LRRFIP2: variants seen among roughly 807,000 people sequenced by gnomAD.
LRRFIP2 encodes the protein LRR binding FLII interacting protein 2.
In LRRFIP2, 109 loss-of-function variants were observed where a neutral mutation model predicts 125.9. The ratio of observed to expected loss-of-function variants is 0.87; its 90% CI spans 0.74 to 1.01. The LOEUF is 1.01. LRRFIP2 is among the 50% of genes least tolerant of loss of function. LRRFIP2 has a pLI of 0.00. For missense variants in LRRFIP2, 850 were observed against 862.3 expected (o/e 0.99, Z 0.18); for synonymous variants, 291 against 293.1 (o/e 0.99, Z 0.07).
intron 18 of LRRFIP2, among the ~76,000 whole-genome samples, chr3:37,088,697 A>G (rs1274590942): frequency 6.6e-6 from 1 of 152,058 alleles, no homozygotes; most frequent in Non-Finnish European, 1.5e-5. Context: ...CTATAGTCCC[A>G]GCAGGCTTAG....
At chr3:37,118,142 G>C (rs2094877365) in intron 6 of LRRFIP2, among the ~76,000 whole-genome samples, 2 of 152,112 alleles carry the variant, frequency 1.3e-5, no homozygotes, top group African/African-American at 4.8e-5. Context: ...GCTCACTGCA[G>C]CCTCGACTTC....
In LRRFIP2 at chr3:37,066,921, A is replaced by C. The variant is rs940547159; in HGVS notation, c.1465-596T>G. ...AGGATTCAAAGATCAACTTCTGACA[A>C]CTTAATTAAATATAACTGAGACTCA... On this transcript the variant is annotated intron_variant, in intron 21 of 27. Coordinates refer to ENST00000336686, the MANE Select transcript of LRRFIP2 (RefSeq NM_006309.4). 3 of 152,640 alleles carry C rather than the reference A, an allele frequency of 2.0e-5. No homozygotes were observed. In the East Asian group the frequency reaches 5.8e-4, roughly 29 times the overall value. The allele number at this position is 152,640 out of a possible 1,614,324, so 9.5% of individuals were successfully genotyped here. A position where few individuals can be genotyped will look rare whatever the true frequency, so the allele number is the denominator to read the frequency against.
In LRRFIP2 at chr3:37,123,072, C is replaced by T. The variant is rs77245958; in HGVS notation, c.229-1381G>A. Among the ~76,000 whole-genome samples, 1,174 of 152,256 alleles carry T rather than the reference C, an allele frequency of 7.7e-3. 9 individuals are homozygous for T. Among genetic ancestry groups the T allele is most frequent in the Non-Finnish European group, 0.013 (897 of 68,006 alleles). On this transcript the variant is annotated intron_variant, in intron 4 of 27. Coordinates refer to ENST00000336686, the MANE Select transcript of LRRFIP2 (RefSeq NM_006309.4). ...GGTTGACATCTGCTGTGACTGATGC[C>T]CTTGACCAAATGTATGCTGAAGTCT...
chr3:37,119,776 C>CA (rs1199694325), intron 6 of LRRFIP2, among the ~76,000 whole-genome samples: 3 of 152,158 alleles, frequency 2.0e-5, no homozygotes, highest in African/African-American at 7.2e-5. Context: ...TCTCATGCCT[C>CA]AGCCTCCCAA....
rs1482813659 is a variant in LRRFIP2 at position 37,060,096 on chromosome 3, CAAGGGTCTGTA to C, written c.1750-1197_1750-1187del. 2.0e-5 allele frequency among the ~76,000 whole-genome samples: 3 copies of C among 152,140 alleles called. No individual in the cohort carries two copies. Among genetic ancestry groups the C allele is most frequent in the Non-Finnish European group, 2.9e-5 (2 of 68,012 alleles). On this transcript the variant is annotated intron_variant, in intron 24 of 27. Coordinates refer to ENST00000336686, the MANE Select transcript of LRRFIP2 (RefSeq NM_006309.4). This position sits in a 1 kb window ranked among gnomAD's most constrained non-coding sequence, Gnocchi z 4.1. ...TATCCTTCCTCTGCAGTCTTCCTCA[CAAGGGTCTGTA>C]CGACCACTAACCTTCATCTCCTAAC...
intron 15 of LRRFIP2, among the ~76,000 whole-genome samples, chr3:37,098,584 G>T (rs1576525918): frequency 6.6e-6 from 1 of 151,556 alleles, no homozygotes; most frequent in Non-Finnish European, 1.5e-5. Flanking sequence ...GAAGAGATGG[G>T]GTTTCAACAT....
At position 37,053,367 on chromosome 3, in the gene LRRFIP2, T is replaced by C. The variant is rs912217681; in HGVS notation, c.*484A>G. 6.5e-6 allele frequency: 1 copy of C among 152,784 alleles called. No individual in the cohort carries two copies. The highest frequency in any genetic ancestry group is 2.4e-5 in the African/African-American group (1 of 41,458). 9.5% of individuals were successfully genotyped at this position (152,784 alleles called of 1,614,324 possible). On this transcript the variant is annotated 3_prime_UTR_variant, in exon 28 of 28. Coordinates refer to ENST00000336686, the MANE Select transcript of LRRFIP2 (RefSeq NM_006309.4). ...ATTCCCCACCCGAGAACTTGTTTCT[T>C]CACTAAAATATAAATGTTGTCTGAT...
chr3:37,059,646 G>A (rs1177674091), intron 24 of LRRFIP2, among the ~76,000 whole-genome samples: 1 of 152,022 alleles, frequency 6.6e-6, no homozygotes, highest in African/African-American at 2.4e-5. Context: ...AATTAGTGGG[G>A]CATGGTGGCA....
At chr3:37,087,932 G>C (rs1333479350) in intron 18 of LRRFIP2, among the ~76,000 whole-genome samples, 1 of 152,194 alleles carries the variant, frequency 6.6e-6, no homozygotes, top group Non-Finnish European at 1.5e-5. Flanking sequence ...GTGGGTTCCA[G>C]ATCAGCAGCA....
rs2089988748 is a variant in LRRFIP2, at chr3:37,065,670, T to G, written c.1699+140A>C. 4.9e-6 allele frequency: 5 copies of G among 1,024,868 alleles called. No individual in the cohort carries two copies. The East Asian group carries it at 1.2e-4, about 25-fold the overall frequency. The allele number at this position is 1,024,868 out of a possible 1,614,324, so 63.5% of individuals were successfully genotyped here. On this transcript the variant is annotated intron_variant, in intron 23 of 27. Transcript: ENST00000336686. ...AGGATGTCTGAAGACAATGTGCCAA[T>G]GTGCCCAGATTCTTCTAGTTAAGGA...
rs2086394542 is a variant in LRRFIP2 at position 37,054,963 on chromosome 3, T to C, written c.1950+123A>G. On this transcript the variant is annotated intron_variant, in intron 26 of 27. Transcript: ENST00000336686. The stretch of plus-strand genomic sequence containing the variant: ...CCAACAAGTGCTCTCTGCTGGCTTT[T>C]CTATTTTAATACAGAACTATTATTG... The C allele has an allele frequency of 7.6e-6, 5 of 658,440 alleles. No homozygotes were observed. In the South Asian group the frequency reaches 9.2e-5, roughly 12 times the overall value. The allele number at this position is 658,440 out of a possible 1,614,324, so 40.8% of individuals were successfully genotyped here.
chr3:37,164,386 G>A (rs2096422197), intron 1 of LRRFIP2, among the ~76,000 whole-genome samples: 1 of 152,184 alleles, frequency 6.6e-6, no homozygotes, highest in African/African-American at 2.4e-5. Flanking sequence ...ACCATCCGAA[G>A]ATACTCCTAT....
At chr3:37,132,555 G>C (rs1314195080) in intron 2 of LRRFIP2, among the ~76,000 whole-genome samples, 1 of 152,188 alleles carries the variant, frequency 6.6e-6, no homozygotes. Context: ...CTTGGAGACT[G>C]TGTTGAAGAG....
rs372851607 is a variant in LRRFIP2, at chr3:37,061,228, C to CA, written c.1750-2319dup. ...GCGCGGTGGCTCATGCCTGTAATCC[C>CA]AGCACTTTGGGAGGACGAGGTGGGT... On this transcript the variant is annotated intron_variant, in intron 24 of 27. Coordinates refer to ENST00000336686, the MANE Select transcript of LRRFIP2 (RefSeq NM_006309.4). Among the ~76,000 whole-genome samples, 953 of 152,194 alleles carry CA rather than the reference C, an allele frequency of 6.3e-3. 7 individuals carry two copies. The highest frequency in any genetic ancestry group is 0.021 in the African/African-American group (876 of 41,534).
chr3:37,163,496 T>G (rs1299682588), intron 1 of LRRFIP2, among the ~76,000 whole-genome samples: 1 of 152,178 alleles, frequency 6.6e-6, no homozygotes, highest in African/African-American at 2.4e-5. Context: ...TGCAGGAAAT[T>G]CAAAGTCTCT....
chr3:37,056,773 C>T (rs1379932762), intron 25 of LRRFIP2, among the ~76,000 whole-genome samples: 1 of 152,122 alleles, frequency 6.6e-6, no homozygotes, highest in Non-Finnish European at 1.5e-5. Context: ...AACAGGGTTA[C>T]CATCTCCCCA....
Position 37,053,810 on chromosome 3 carries a change from A to C in LRRFIP2, c.*41T>G. On this transcript the variant is annotated 3_prime_UTR_variant, in exon 28 of 28. Transcript: ENST00000336686. The stretch of plus-strand genomic sequence containing the variant: ...TGGACAAAAGTCAGTCCCTCTAGGT[A>C]GGGCCCCAAGGAGCATCACCCAGGT... 2.2e-6 allele frequency: 3 copies of C among 1,345,160 alleles called. No homozygotes were observed. The highest frequency in any genetic ancestry group is 3.2e-6 in the Non-Finnish European group (3 of 934,498). 83.3% of individuals were successfully genotyped at this position (1,345,160 alleles called of 1,614,324 possible).
At chr3:37,127,752 CA>C (rs1422601845) in intron 3 of LRRFIP2, 72 bp from the exon 4 acceptor site, 4 of 1,181,410 alleles carry the variant, frequency 3.4e-6, no homozygotes, top group African/African-American at 1.5e-5. Context: ...TTAAATTAAT[CA>C]TACACATTTT....
In LRRFIP2 at chr3:37,115,075, T is replaced by G; in HGVS notation, c.351A>C (p.Arg117Ser). ...ATACTAATGATGAAAGTCTTGATGA[T>G]CTATCCTTGAACATATCATACTGGG... ...GSHRYDMFKD[R>S]SSRLSSLNHS... The change falls in exon 7 of 28, where the codon AGA becomes AGC. Residue 117 changes from arginine to serine, a missense_variant. Transcript: ENST00000336686. 6.2e-7 allele frequency: 1 copy of G among 1,607,114 alleles called. No homozygotes were observed. The highest frequency in any genetic ancestry group is 8.5e-7 in the Non-Finnish European group (1 of 1,175,790).
Sources: gnomAD v4.1 joint callset for allele counts (sites outside exome capture counted in the v4.1 genomes callset) on GRCh38, gnomAD v4.1.1 for gene constraint, Gnocchi (gnomAD v3.1) non-coding constraint, MANE v1.5 for transcripts, NCBI Gene and HGNC (gene_info 2026-07-23, HGNC 2026-07-21) for gene names.